The following MVB12B variants were observed in gnomAD, a reference collection of about 807,000 sequenced individuals.
MVB12B encodes ESCRT-I complex subunit MVB12B.
In MVB12B, 16 loss-of-function variants were observed where a neutral mutation model predicts 41.6. That is an observed-to-expected ratio of 0.38 (90% CI 0.26 to 0.58). MVB12B has a LOEUF of 0.58. MVB12B is among the 20% of genes least tolerant of loss of function. The pLI is 0.62. For missense variants in MVB12B, 274 were observed against 380.2 expected, an observed-to-expected ratio of 0.72 and a Z score of 2.32; for synonymous variants, 133 against 139.7, an observed-to-expected ratio of 0.95 and a Z score of 0.34.
At chr9:126,371,123 C>T (rs759326185) in intron 2 of MVB12B, among the ~76,000 whole-genome samples, 5 of 152,162 alleles carry the variant, frequency 3.3e-5, no homozygotes, top group East Asian at 1.9e-4. Flanking sequence ...CTGGCAGTGC[C>T]GTGGTAGACC....
In MVB12B at chr9:126,333,411, A is replaced by T. The variant is rs1440551099; in HGVS notation, c.81+6401A>T. On this transcript the variant is annotated intron_variant, in intron 1 of 9. Coordinates refer to ENST00000361171, the MANE Select transcript of MVB12B (RefSeq NM_033446.3). This position sits in a 1 kb window ranked among gnomAD's most constrained non-coding sequence, Gnocchi z 4.7. ...TGACCCTGGTTTTATTTATTTACTT[A>T]TTTATTTTTTTGAGATGAGGTCTGG... Among the ~76,000 whole-genome samples, 1 of 141,262 alleles carries T rather than the reference A, an allele frequency of 7.1e-6. No individual in the cohort carries two copies. The highest frequency in any genetic ancestry group is 2.2e-4 in the East Asian group (1 of 4,548). 92.7% of individuals were successfully genotyped at this position (141,262 alleles called of 152,430 possible).
chr9:126,474,640 T>G (rs1324825371), intron 7 of MVB12B, among the ~76,000 whole-genome samples: 6 of 152,116 alleles, frequency 3.9e-5, no homozygotes, highest in African/African-American at 1.4e-4. Flanking sequence ...CATGAAAACA[T>G]GTGCAGACAT....
intron 9 of MVB12B, 151 bp from the exon 10 acceptor site, chr9:126,503,026 C>T: frequency 1.4e-6 from 1 of 722,954 alleles, no homozygotes; most frequent in Non-Finnish European, 2.5e-6. Context: ...AGGGCAGGCT[C>T]TGGCTGGCAC....
chr9:126,425,324 A>G (rs77112238), intron 7 of MVB12B, among the ~76,000 whole-genome samples: 16,053 of 152,252 alleles, frequency 0.11, 924 homozygotes, highest in Non-Finnish European at 0.12. Context: ...AAATACATCT[A>G]AAGGTCTGGA....
At chr9:126,413,356 G>A (rs1013748790) in intron 6 of MVB12B, among the ~76,000 whole-genome samples, 6 of 152,142 alleles carry the variant, frequency 3.9e-5, no homozygotes, top group Non-Finnish European at 5.9e-5. Context: ...AGTAGGGGGG[G>A]TCTCAGCAAC....
At chr9:126,446,113 T>TA in intron 7 of MVB12B, among the ~76,000 whole-genome samples, 1 of 152,268 alleles carries the variant, frequency 6.6e-6, no homozygotes, top group East Asian at 1.9e-4. Context: ...TTGATTGTAT[T>TA]AAAGGACCCA....
chr9:126,366,906 C>T (rs747560305), intron 2 of MVB12B, among the ~76,000 whole-genome samples: 13 of 152,236 alleles, frequency 8.5e-5, no homozygotes, highest in Non-Finnish European at 1.3e-4. Flanking sequence ...CGGCTGACAC[C>T]TCAACCTGAA....
At chr9:126,419,446 C>T (rs555791396) in intron 6 of MVB12B, among the ~76,000 whole-genome samples, 5 of 152,176 alleles carry the variant, frequency 3.3e-5, no homozygotes, top group African/African-American at 9.7e-5. Flanking sequence ...GTTTTCAACA[C>T]GCACTGGGCC....
intron 7 of MVB12B, among the ~76,000 whole-genome samples, chr9:126,444,539 GT>G (rs1832718074): frequency 6.6e-6 from 1 of 152,020 alleles, no homozygotes; most frequent in Admixed American, 6.5e-5. Flanking sequence ...TCTTAATTTT[GT>G]TTGTGGAGTT....
chr9:126,376,385 C>A lies in MVB12B; in HGVS notation c.205-4679C>A. On this transcript the variant is annotated intron_variant, in intron 2 of 9. Transcript: ENST00000361171. This position sits in a 1 kb window ranked among gnomAD's most constrained non-coding sequence, Gnocchi z 4.1. ...TCCCTTTTTTCTATTTTGGGCCCTT[C>A]TGTCATGTCTGAGCCTGTCCCCAGT... is the stretch of plus-strand genomic sequence containing the variant. 1.5e-6 allele frequency: 1 copy of A among 656,972 alleles called. No homozygotes were observed. The highest frequency in any genetic ancestry group is 2.4e-6 in the Non-Finnish European group (1 of 415,582). The allele number at this position is 656,972 out of a possible 1,614,324, so 40.7% of individuals were successfully genotyped here.
intron 9 of MVB12B, among the ~76,000 whole-genome samples, chr9:126,485,602 T>G (rs796871545): frequency 1.5e-5 from 1 of 65,600 alleles, no homozygotes; most frequent in African/African-American, 4.6e-5. Flanking sequence ...GTCAGGGTAC[T>G]TCCACTGTGC....
Position 126,392,857 on chromosome 9 carries a change from G to C in MVB12B, c.539+662G>C, listed in dbSNP as rs1830998623. ...CGTTCTGGGAGCAGAACACAGCCCTGTGCAGCTGGAAGAGCCAGGGACAAT... is the reference window on the plus strand; with the variant it reads ...CGTTCTGGGAGCAGAACACAGCCCTCTGCAGCTGGAAGAGCCAGGGACAAT... On this transcript the variant is annotated intron_variant, in intron 5 of 9. Transcript: ENST00000361171. This position sits in a 1 kb window ranked among gnomAD's most constrained non-coding sequence, Gnocchi z 4.8. 6.6e-6 allele frequency among the ~76,000 whole-genome samples: 1 copy of C among 152,250 alleles called. No individual in the cohort carries two copies. Among genetic ancestry groups the C allele is most frequent in the South Asian group, 2.1e-4 (1 of 4,832 alleles).
chr9:126,433,167 G>C (rs567034552), intron 7 of MVB12B, among the ~76,000 whole-genome samples: 1 of 152,116 alleles, frequency 6.6e-6, no homozygotes, highest in South Asian at 2.1e-4. Context: ...GGGGGTGACG[G>C]TGACTTATGG....
chr9:126,355,691 C>T (rs1289815252), intron 2 of MVB12B, among the ~76,000 whole-genome samples: 1 of 152,180 alleles, frequency 6.6e-6, no homozygotes, highest in South Asian at 2.1e-4. Flanking sequence ...TTTAATTAAT[C>T]AATTTAACCT....
intron 7 of MVB12B, among the ~76,000 whole-genome samples, chr9:126,433,027 G>A (rs749011037): frequency 1.3e-5 from 2 of 152,154 alleles, no homozygotes; most frequent in Non-Finnish European, 2.9e-5. Flanking sequence ...GGAATAGGGG[G>A]TGTGGCTCCC....
chr9:126,334,342 G>C (rs1252125628), intron 1 of MVB12B, among the ~76,000 whole-genome samples: 3 of 152,182 alleles, frequency 2.0e-5, no homozygotes, highest in Non-Finnish European at 4.4e-5. Flanking sequence ...CTGGGTTTGA[G>C]GTATTTTGGA....
intron 7 of MVB12B, chr9:126,448,328 CAT>C (rs1399931807): frequency 1.3e-5 from 2 of 152,330 alleles, no homozygotes; most frequent in Non-Finnish European, 2.9e-5. Context: ...AGAGACCACA[CAT>C]ATGCTGCAAG....
At chr9:126,491,452 A>C (rs1371563951) in intron 9 of MVB12B, among the ~76,000 whole-genome samples, 6 of 152,228 alleles carry the variant, frequency 3.9e-5, no homozygotes, top group Non-Finnish European at 7.3e-5. Context: ...GAACTGGTGC[A>C]GCCTGAAAAA....
intron 8 of MVB12B, among the ~76,000 whole-genome samples, chr9:126,482,501 A>T (rs761202241): frequency 6.6e-6 from 1 of 152,070 alleles, no homozygotes; most frequent in Non-Finnish European, 1.5e-5. Flanking sequence ...AGCCGACTCC[A>T]CGGGGCCGCG....
Sources: gnomAD v4.1 joint callset for allele counts (sites outside exome capture counted in the v4.1 genomes callset) on GRCh38, gnomAD v4.1.1 for gene constraint, Gnocchi (gnomAD v3.1) non-coding constraint, MANE v1.5 for transcripts, NCBI Gene and HGNC (gene_info 2026-07-23, HGNC 2026-07-21) for gene names.